The following TMEM72 variants were observed in gnomAD, a reference collection of about 807,000 sequenced individuals.
TMEM72 encodes transmembrane protein 72, also known as kidney-specific secretory protein of 37 kDa.
In TMEM72, 9 loss-of-function variants were observed where a neutral mutation model predicts 16.3. The observed-to-expected ratio is 0.55, with a 90% CI of 0.33 to 0.96. TMEM72 has a LOEUF of 0.96. TMEM72 is among the 40% of genes least tolerant of loss of function. TMEM72 has a pLI of 0.03. For missense variants in TMEM72, 324 were observed against 337.8 expected, an observed-to-expected ratio of 0.96 and a Z score of 0.32; for synonymous variants, 160 against 146.5, an observed-to-expected ratio of 1.09 and a Z score of -0.66.
At chr10:44,932,816 T>C (rs1472896314) in intron 3 of TMEM72, among the ~76,000 whole-genome samples, 2 of 152,118 alleles carry the variant, frequency 1.3e-5, no homozygotes, top group Non-Finnish European at 2.9e-5. Context: ...TGGGGAGGAA[T>C]GGACCCTGGA....
Position 44,911,471 on chromosome 10 carries a change from T to G in TMEM72, c.-42T>G. The G allele has an allele frequency of 3.2e-6, 5 of 1,544,944 alleles. No individual in the cohort carries two copies. Among genetic ancestry groups the G allele is most frequent in the Non-Finnish European group, 4.4e-6 (5 of 1,143,460 alleles). On this transcript the variant is annotated 5_prime_UTR_variant, in exon 1 of 5. Transcript: ENST00000389583. ...GGGAGCATCTCAGGGCCGAAGACTT[T>G]GCTGCCTGCCCTGCCAGGACTTTGT... is the stretch of plus-strand genomic sequence containing the variant.
rs138564662 is a variant in TMEM72, at chr10:44,918,147, G to A, written c.70+6565G>A. 4.9e-4 allele frequency among the ~76,000 whole-genome samples: 75 copies of A among 152,162 alleles called. 2 individuals are homozygous for A. Among genetic ancestry groups the A allele is most frequent in the African/African-American group, 1.7e-3 (71 of 41,474 alleles). ...TCTCTTGAGATTTATTGACTATCAC[G>A]AGAACAACACGTGAAAAACTTGCCC... On this transcript the variant is annotated intron_variant, in intron 1 of 4. Transcript: ENST00000389583.
intron 1 of TMEM72, among the ~76,000 whole-genome samples, chr10:44,912,601 A>C (rs1015817188): frequency 7.2e-5 from 11 of 152,020 alleles, no homozygotes; most frequent in African/African-American, 2.7e-4. Context: ...GGAGCCCCTG[A>C]CCCCTCTGAG....
At chr10:44,922,463 A>C (rs2132717736) in intron 1 of TMEM72, among the ~76,000 whole-genome samples, 1 of 152,326 alleles carries the variant, frequency 6.6e-6, no homozygotes, top group African/African-American at 2.4e-5. Context: ...TATCTATGTC[A>C]TGTGGAACTG....
At chr10:44,917,141 G>A (rs1046937689) in intron 1 of TMEM72, among the ~76,000 whole-genome samples, 2 of 152,092 alleles carry the variant, frequency 1.3e-5, no homozygotes, top group Middle Eastern at 3.2e-3. Flanking sequence ...GTGCACATCC[G>A]AGCACCAAGC....
intron 2 of TMEM72, among the ~76,000 whole-genome samples, chr10:44,929,566 G>A (rs1840260901): frequency 1.3e-5 from 2 of 152,192 alleles, no homozygotes; most frequent in African/African-American, 4.8e-5. Flanking sequence ...CTGTGTTTGG[G>A]GGCTCACACC....
At position 44,922,588 on chromosome 10, in the gene TMEM72, C is replaced by T. The variant is rs75759249; in HGVS notation, c.71-5333C>T. ...TGGGGTGAGTGTTGGATACGGTTCA[C>T]AAAATTCCTGCAGCAAGGAATCTCA... On this transcript the variant is annotated intron_variant, in intron 1 of 4. Coordinates refer to ENST00000389583, the MANE Select transcript of TMEM72 (RefSeq NM_001123376.3). Among the ~76,000 whole-genome samples, 85 of 152,302 alleles carry T rather than the reference C, an allele frequency of 5.6e-4. 1 individual carries two copies. The East Asian group carries it at 8.5e-3, about 15-fold the overall frequency.
At chr10:44,923,485 G>A (rs777677460) in intron 1 of TMEM72, among the ~76,000 whole-genome samples, 9 of 152,194 alleles carry the variant, frequency 5.9e-5, no homozygotes, top group Non-Finnish European at 1.2e-4. Flanking sequence ...ATTAGCAGGT[G>A]TGTCTTCACA....
At chr10:44,914,795 G>C (rs997982905) in intron 1 of TMEM72, among the ~76,000 whole-genome samples, 3 of 152,202 alleles carry the variant, frequency 2.0e-5, no homozygotes, top group Admixed American at 1.3e-4. Context: ...TCCCCTGTGA[G>C]ATGAGAAAGG....
At chr10:44,912,123 A>G (rs146485654) in intron 1 of TMEM72, among the ~76,000 whole-genome samples, 2 of 152,300 alleles carry the variant, frequency 1.3e-5, no homozygotes, top group African/African-American at 4.8e-5. Flanking sequence ...CTGTTAACAG[A>G]ACACCCTGTA....
chr10:44,932,032 G>T lies in TMEM72; in HGVS notation c.172G>T (p.Ala58Ser). The T allele has an allele frequency of 1.2e-6, 2 of 1,613,434 alleles. No individual in the cohort carries two copies. Among genetic ancestry groups the T allele is most frequent in the South Asian group, 2.2e-5 (2 of 90,828 alleles). ...TGAAVSICEG[A>S]YFVAQLLAIC... is the part of the protein sequence containing the mutation. Reference sequence around the variant, plus strand: ...AGCCGCTGTCTCCATATGTGAAGGGGCCTACTTTGTGGCTCAGCTGCTGGC... The same window carrying T: ...AGCCGCTGTCTCCATATGTGAAGGGTCCTACTTTGTGGCTCAGCTGCTGGC... Residue 58 changes from alanine to serine, a missense_variant, in exon 3 of 5, where the codon GCC becomes TCC. Physicochemically the swap from Ala to Ser is moderately conservative, Grantham distance 99. Transcript: ENST00000389583.
intron 3 of TMEM72, among the ~76,000 whole-genome samples, chr10:44,933,272 G>GTCC (rs1285066663): frequency 1.3e-5 from 2 of 152,246 alleles, no homozygotes; most frequent in Non-Finnish European, 2.9e-5. Context: ...AAGCACAACT[G>GTCC]TCCCAGGCAG....
At chr10:44,914,399 C>T (rs1411506584) in intron 1 of TMEM72, among the ~76,000 whole-genome samples, 1 of 152,254 alleles carries the variant, frequency 6.6e-6, no homozygotes, top group East Asian at 1.9e-4. Context: ...ATTTGCTTCA[C>T]CTCCCTGGCT....
Position 44,933,703 on chromosome 10 carries a change from G to A in TMEM72, c.276G>A (p.Lys92=). ...EKAHWLGCFQ[K]FLAYLLLSVA... is the part of the protein sequence containing the mutation. ...CCCACTGGCTGGGCTGCTTCCAGAA[G>A]TTCCTGGCCTACCTGCTGCTGTCGG... The change falls in exon 4 of 5, where the codon AAG becomes AAA. Residue 92 remains lysine, a synonymous_variant. Coordinates refer to ENST00000389583, the MANE Select transcript of TMEM72 (RefSeq NM_001123376.3). 1 of 1,614,128 alleles carries A rather than the reference G, an allele frequency of 6.2e-7. No individual in the cohort carries two copies. Among genetic ancestry groups the A allele is most frequent in the Admixed American group, 1.7e-5 (1 of 60,010 alleles).
At chr10:44,916,284 T>C (rs780019159) in intron 1 of TMEM72, among the ~76,000 whole-genome samples, 10 of 152,172 alleles carry the variant, frequency 6.6e-5, no homozygotes, top group Non-Finnish European at 1.2e-4. Context: ...CAACCTGGAA[T>C]CACTGAGGGG....
intron 1 of TMEM72, among the ~76,000 whole-genome samples, chr10:44,923,986 G>T (rs1400185436): frequency 6.6e-6 from 1 of 152,214 alleles, no homozygotes; most frequent in African/African-American, 2.4e-5. Flanking sequence ...TGCTGGGAGA[G>T]GGAGTGGCCA....
intron 2 of TMEM72, among the ~76,000 whole-genome samples, chr10:44,930,213 G>C (rs946976561): frequency 2.6e-5 from 4 of 152,172 alleles, no homozygotes; most frequent in African/African-American, 9.7e-5. Context: ...CTCAGTACCT[G>C]CCCTGTCTGT....
intron 1 of TMEM72, among the ~76,000 whole-genome samples, chr10:44,914,632 C>A (rs57792208): frequency 0.062 from 9,396 of 152,264 alleles, 958 homozygotes; most frequent in African/African-American, 0.21. Context: ...CCCGTGTCCA[C>A]TAGAGACAGG....
At chr10:44,932,407 C>A (rs957729344) in intron 3 of TMEM72, among the ~76,000 whole-genome samples, 9 of 152,218 alleles carry the variant, frequency 5.9e-5, no homozygotes, top group African/African-American at 2.2e-4. Context: ...GGGTGAGGAC[C>A]CTGCAGAAGG....
Sources: gnomAD v4.1 joint callset for allele counts (sites outside exome capture counted in the v4.1 genomes callset) on GRCh38, gnomAD v4.1.1 for gene constraint, MANE v1.5 for transcripts, NCBI Gene and HGNC (gene_info 2026-07-23, HGNC 2026-07-21) for gene names.